Variants in MYO5B observed in about 807,000 individuals in gnomAD.
MYO5B encodes myosin VB.
In MYO5B, 143 loss-of-function variants were observed where a neutral mutation model predicts 229.3. The ratio of observed to expected loss-of-function variants is 0.62; its 90% CI spans 0.54 to 0.72. The LOEUF (loss-of-function observed/expected upper bound fraction) is 0.72, where lower values mean the gene tolerates loss of function less well. Ranked by LOEUF, MYO5B falls within the 30% of genes least tolerant of loss-of-function variation. The probability of loss-of-function intolerance (pLI) is 0.00; values close to 1 mark genes in which losing one functional copy is unlikely to be tolerated. For synonymous variants in MYO5B, 918 were observed against 885.2 expected (o/e 1.04, Z -0.66); for missense variants, 2,321 against 2,331.0 (o/e 1.00, Z 0.09).
intron 17 of MYO5B, among the ~76,000 whole-genome samples, chr18:49,914,540 G>T (rs2024991214): frequency 6.6e-6 from 1 of 152,104 alleles, no homozygotes; most frequent in Non-Finnish European, 1.5e-5. Flanking sequence ...AGCACTTTGG[G>T]AGACTGAGGC....
At chr18:50,058,566 T>G (rs1308741280) in intron 1 of MYO5B, among the ~76,000 whole-genome samples, 6 of 152,030 alleles carry the variant, frequency 3.9e-5, no homozygotes, top group African/African-American at 1.4e-4. Flanking sequence ...ATCCCAGCAC[T>G]TTGGGAGGCC....
At chr18:50,035,679 T>G (rs1264887773) in intron 4 of MYO5B, among the ~76,000 whole-genome samples, 1 of 152,234 alleles carries the variant, frequency 6.6e-6, no homozygotes, top group East Asian at 1.9e-4. Context: ...AGTTGAGCCC[T>G]GATAGCAGGT....
chr18:49,896,456 A>C (rs2024780400), intron 21 of MYO5B, among the ~76,000 whole-genome samples: 1 of 152,194 alleles, frequency 6.6e-6, no homozygotes, highest in Admixed American at 6.5e-5. Flanking sequence ...CTGGAGGCTG[A>C]GGGTCTCTGC....
intron 4 of MYO5B, among the ~76,000 whole-genome samples, chr18:50,027,770 TTACA>T (rs2144368291): frequency 6.6e-6 from 1 of 152,310 alleles, no homozygotes; most frequent in South Asian, 2.1e-4. Flanking sequence ...AACAGACTCG[TTACA>T]TCTGCAGTGC....
intron 14 of MYO5B, among the ~76,000 whole-genome samples, chr18:49,944,819 C>A (rs1230478863): frequency 6.6e-6 from 1 of 152,124 alleles, no homozygotes; most frequent in East Asian, 1.9e-4. Context: ...CCATCGATCA[C>A]CTCGAGCAAG....
chr18:49,993,908 T>C (rs2025959057), intron 5 of MYO5B, among the ~76,000 whole-genome samples: 1 of 152,192 alleles, frequency 6.6e-6, no homozygotes, highest in African/African-American at 2.4e-5. Flanking sequence ...GCATGGCTTA[T>C]GTGCTTGGCA....
At chr18:49,869,094 C>T (rs776872154) in intron 27 of MYO5B, among the ~76,000 whole-genome samples, 6 of 152,130 alleles carry the variant, frequency 3.9e-5, no homozygotes, top group African/African-American at 1.2e-4. Context: ...CCAGGTGTAT[C>T]GACTCATCAT....
At chr18:50,132,466 A>G (rs1196722944) in intron 1 of MYO5B, among the ~76,000 whole-genome samples, 1 of 152,238 alleles carries the variant, frequency 6.6e-6, no homozygotes, top group African/African-American at 2.4e-5. Flanking sequence ...TGACATCACA[A>G]TGGTTCTGTG....
chr18:50,067,057 C>T (rs2030838550), intron 1 of MYO5B, among the ~76,000 whole-genome samples: 1 of 152,088 alleles, frequency 6.6e-6, no homozygotes, highest in Admixed American at 6.6e-5. Context: ...ACTCTGTGTT[C>T]CTCATAAGAA....
Position 49,856,975 on chromosome 18 carries a change from C to A in MYO5B, c.3945-85G>T, listed in dbSNP as rs1458713510. On this transcript the variant is annotated intron_variant, in intron 29 of 39. Transcript: ENST00000285039. ...GGGAGTCCTGGAAAGTGAGGAGATT[C>A]TAGCCAAGGTTTGGAAACGAAAAAA... 6 of 1,230,662 alleles carry A rather than the reference C, an allele frequency of 4.9e-6. No individual in the cohort carries two copies. In the Admixed American group the frequency reaches 1.1e-4, roughly 22 times the overall value. 76.2% of individuals were successfully genotyped at this position (1,230,662 alleles called of 1,614,324 possible).
intron 20 of MYO5B, 144 bp from the exon 21 acceptor site, chr18:49,902,977 A>G: frequency 9.4e-7 from 1 of 1,061,554 alleles, no homozygotes; most frequent in Non-Finnish European, 1.4e-6. Flanking sequence ...CCTAAGATCT[A>G]AGGCTTTGGT....
At chr18:50,110,486 C>T (rs981528492) in intron 1 of MYO5B, among the ~76,000 whole-genome samples, 3 of 152,158 alleles carry the variant, frequency 2.0e-5, no homozygotes, top group African/African-American at 7.2e-5. Context: ...CAAGATTAAG[C>T]ACCTTGCCCA....
At chr18:50,180,786 G>A (rs1005527471) in intron 1 of MYO5B, among the ~76,000 whole-genome samples, 15 of 152,156 alleles carry the variant, frequency 9.9e-5, no homozygotes, top group African/African-American at 3.1e-4. Flanking sequence ...TTGGGTAACT[G>A]TCTTATTTCA....
chr18:49,864,196 A>C lies in MYO5B; in HGVS notation c.3788T>G (p.Ile1263Ser), dbSNP rs756041853. Residue 1263 changes from isoleucine (I) to serine (S), a missense_variant, in exon 28 of 40, where the codon ATC (isoleucine) becomes AGC (serine). Physicochemically the swap from Ile to Ser is moderately radical, Grantham distance 142. Around this residue, in one of 2 missense-constraint regions of MYO5B, gnomAD observed 2,113 missense variants for 2,044.7 expected, o/e 1.03. Coordinates refer to ENST00000285039, the MANE Select transcript of MYO5B (RefSeq NM_001080467.3). ...GGCGCTCACGATCTGGGTCCTGAGG[A>C]TGAGCACCTCCTCCTTGCGCACCTC... Reference protein sequence around the residue: ...ELEVRKEEVLILRTQIVSADQ... With the variant: ...ELEVRKEEVLSLRTQIVSADQ... 6.2e-7 allele frequency: 1 copy of C among 1,613,352 alleles called. No homozygotes were observed. The highest frequency in any genetic ancestry group is 1.3e-5 in the African/African-American group (1 of 75,062).
chr18:49,924,637 CCT>C (rs997490444), intron 17 of MYO5B, among the ~76,000 whole-genome samples: 22 of 152,198 alleles, frequency 1.4e-4, no homozygotes, highest in African/African-American at 4.8e-4. Context: ...ACCCCTTCCT[CCT>C]CTGATAAACC....
At position 50,152,350 on chromosome 18, in the gene MYO5B, G is replaced by A. The variant is rs563281369; in HGVS notation, c.27+42417C>T. Among the ~76,000 whole-genome samples the A allele has an allele frequency of 5.3e-5, 8 of 152,328 alleles. No individual in the cohort carries two copies. The South Asian group carries it at 8.3e-4, about 16-fold the overall frequency. ...CACTCCCTGAATGAAATCTGAGCAGGATATTCTGGGATGATCAGTTTGGGT... is the reference window on the plus strand; with the variant it reads ...CACTCCCTGAATGAAATCTGAGCAGAATATTCTGGGATGATCAGTTTGGGT... On this transcript the variant is annotated intron_variant, in intron 1 of 39. Transcript: ENST00000285039.
At chr18:50,076,268 G>A (rs115541788) in intron 1 of MYO5B, among the ~76,000 whole-genome samples, 1,540 of 152,272 alleles carry the variant, frequency 0.01, 21 homozygotes, top group African/African-American at 0.035. Context: ...AGAACTGTAC[G>A]GAAAGTGAGC....
intron 23 of MYO5B, 131 bp downstream of exon 23, chr18:49,880,240 C>A (rs2024571766): frequency 1.2e-6 from 1 of 837,158 alleles, no homozygotes; most frequent in East Asian, 2.5e-5. Flanking sequence ...TATTCTTCAT[C>A]TTCTTCTATT....
intron 16 of MYO5B, among the ~76,000 whole-genome samples, chr18:49,935,259 C>T (rs1437419094): frequency 2.0e-5 from 3 of 152,128 alleles, no homozygotes; most frequent in Non-Finnish European, 2.9e-5. Context: ...ACTAGCACCT[C>T]GGGGTATCCA....
Sources: gnomAD v4.1 joint callset for allele counts (sites outside exome capture counted in the v4.1 genomes callset) on GRCh38, gnomAD v4.1.1 for gene constraint, gnomAD v4.1.1 regional missense constraint, MANE v1.5 for transcripts, NCBI Gene and HGNC (gene_info 2026-07-23, HGNC 2026-07-21) for gene names.